Variants in EXOC6 observed in about 807,000 individuals in gnomAD.
EXOC6 encodes exocyst complex component 6.
A neutral mutation model predicts 112.5 loss-of-function variants in EXOC6; 60 were observed. The observed-to-expected ratio is 0.53, with a 90% CI of 0.43 to 0.66. EXOC6 has a LOEUF of 0.66. Ranked by LOEUF, EXOC6 falls within the 30% of genes least tolerant of loss-of-function variation. EXOC6 has a pLI of 0.00. For synonymous variants in EXOC6, 295 were observed against 308.0 expected (o/e 0.96, Z 0.44); for missense variants, 855 against 957.1 (o/e 0.89, Z 1.41).
chr10:92,943,710 A>ATT (rs71306831), intron 13 of EXOC6, among the ~76,000 whole-genome samples: 81 of 146,206 alleles, frequency 5.5e-4, no homozygotes, highest in Non-Finnish European at 9.2e-4. Flanking sequence ...TCACGTACTT[A>ATT]TTTTTTTTTT....
At chr10:92,948,490 G>C in intron 14 of EXOC6, 111 bp downstream of exon 14, 1 of 635,020 alleles carries the variant, frequency 1.6e-6, no homozygotes, top group Non-Finnish European at 2.6e-6. Flanking sequence ...GGTTTCTTGA[G>C]GGGCAACTTT....
intron 20 of EXOC6, among the ~76,000 whole-genome samples, chr10:93,048,398 A>G (rs950294891): frequency 5.3e-5 from 8 of 152,214 alleles, no homozygotes; most frequent in African/African-American, 1.7e-4. Flanking sequence ...AAAAAAATTG[A>G]TAAGAATTTA....
At chr10:92,961,200 C>T (rs1305905986) in intron 17 of EXOC6, among the ~76,000 whole-genome samples, 2 of 151,986 alleles carry the variant, frequency 1.3e-5, no homozygotes, top group African/African-American at 4.8e-5. Context: ...CAAAATTACG[C>T]CTTGACTGAT....
At chr10:92,904,087 G>A (rs1260683196) in intron 5 of EXOC6, among the ~76,000 whole-genome samples, 1 of 151,828 alleles carries the variant, frequency 6.6e-6, no homozygotes, top group African/African-American at 2.4e-5. Context: ...GGCTTATTTC[G>A]CTTGGCAATA....
chr10:92,955,754 T>G, intron 17 of EXOC6, 40 bp downstream of exon 17: 1 of 1,573,136 alleles, frequency 6.4e-7, no homozygotes, highest in Non-Finnish European at 8.6e-7. Context: ...TTTCAGTCAC[T>G]GTAAGCAGAC....
At chr10:92,844,018 G>A (rs1651636982), upstream of EXOC6, among the ~76,000 whole-genome samples, 1 of 148,978 alleles carries the variant, frequency 6.7e-6, no homozygotes, top group South Asian at 2.1e-4. Context: ...GGGCGTGGTG[G>A]CACGTGCCTG....
chr10:92,861,216 A>G (rs554141418), intron 1 of EXOC6, among the ~76,000 whole-genome samples: 9 of 151,924 alleles, frequency 5.9e-5, no homozygotes, highest in Non-Finnish European at 1.2e-4. Context: ...CTTACCTTCT[A>G]CCTCACCCCC....
chr10:92,890,908 G>A (rs1849467490), intron 1 of EXOC6, among the ~76,000 whole-genome samples: 1 of 152,194 alleles, frequency 6.6e-6, no homozygotes, highest in African/African-American at 2.4e-5. Context: ...TTTGCCTTAG[G>A]TTTTAATGGG....
chr10:93,022,476 C>T (rs953103950), intron 20 of EXOC6, among the ~76,000 whole-genome samples: 10 of 152,006 alleles, frequency 6.6e-5, no homozygotes, highest in African/African-American at 2.4e-4. Flanking sequence ...GCTTAAAATA[C>T]TTTTTTCTGA....
intron 5 of EXOC6, chr10:92,901,638 TCA>T (rs1369918430): frequency 1.4e-5 from 2 of 144,250 alleles, no homozygotes; most frequent in Non-Finnish European, 3.0e-5. Flanking sequence ...TTTTTTTGCC[TCA>T]GATCTGGAAG....
intron 1 of EXOC6, among the ~76,000 whole-genome samples, chr10:92,839,792 T>C (rs1304423030): frequency 6.8e-6 from 1 of 146,630 alleles, no homozygotes; most frequent in African/African-American, 2.6e-5. Context: ...GATAAAATCA[T>C]GGACACATTG....
chr10:92,887,390 A>ATTTTTT (rs11304638), intron 1 of EXOC6, among the ~76,000 whole-genome samples: 2 of 83,778 alleles, frequency 2.4e-5, no homozygotes, highest in African/African-American at 5.1e-5. Flanking sequence ...GATTAATTTA[A>ATTTTTT]TTTTTTTTTT....
At chr10:92,847,971 C>T (rs1213469764), upstream of EXOC6, among the ~76,000 whole-genome samples, 1 of 151,094 alleles carries the variant, frequency 6.6e-6, no homozygotes, top group Non-Finnish European at 1.5e-5. Context: ...GGACATGAAT[C>T]CACCTGGAGC....
intron 18 of EXOC6, among the ~76,000 whole-genome samples, chr10:92,992,362 A>G (rs1843303679): frequency 1.3e-5 from 2 of 151,756 alleles, no homozygotes; most frequent in Non-Finnish European, 2.9e-5. Context: ...AAGGGAATTC[A>G]TCTTGATATT....
intron 14 of EXOC6, among the ~76,000 whole-genome samples, chr10:92,948,766 C>G (rs1853212438): frequency 6.6e-6 from 1 of 151,878 alleles, no homozygotes; most frequent in Admixed American, 6.6e-5. Flanking sequence ...AGAGTATATC[C>G]TAGTGAAAGA....
At chr10:92,906,517 A>G (rs1394093019) in intron 5 of EXOC6, among the ~76,000 whole-genome samples, 1 of 152,194 alleles carries the variant, frequency 6.6e-6, no homozygotes, top group East Asian at 1.9e-4. Flanking sequence ...TAGTGATGAC[A>G]TGTACATTTT....
Position 93,014,234 on chromosome 10 carries a change from T to C in EXOC6, c.2136T>C (p.Asp712=), listed in dbSNP as rs1844396855. Residue 712 remains aspartate (D), a synonymous_variant, in exon 20 of 22, where the codon GAT becomes GAC. Coordinates refer to ENST00000260762, the MANE Select transcript of EXOC6 (RefSeq NM_019053.6). ...AGCCTGTGCCAGGATTCCAGGGGGA[T>C]ACCCTGCAGCTAGCATTCATTGACC... ...SSEPVPGFQG[D]TLQLAFIDLR... 1 of 1,613,696 alleles carries C rather than the reference T, an allele frequency of 6.2e-7. No homozygotes were observed. The highest frequency in any genetic ancestry group is 1.1e-5 in the South Asian group (1 of 91,068).
intron 4 of EXOC6, among the ~76,000 whole-genome samples, chr10:92,896,983 T>C (rs78120951): frequency 0.011 from 1,618 of 152,326 alleles, 32 homozygotes; most frequent in African/African-American, 0.037. Flanking sequence ...TGGCTTATTA[T>C]GTTAAGTTTC....
intron 13 of EXOC6, among the ~76,000 whole-genome samples, chr10:92,947,377 A>G (rs538689754): frequency 1.3e-5 from 2 of 152,326 alleles, no homozygotes; most frequent in African/African-American, 2.4e-5. Context: ...TCACAGCCCA[A>G]TGGCCAAAAC....
Sources: allele counts gnomAD v4.1 joint callset (sites outside exome capture counted in the v4.1 genomes callset), GRCh38; gene constraint gnomAD v4.1.1; transcripts MANE v1.5; gene names NCBI Gene and HGNC (gene_info 2026-07-23, HGNC 2026-07-21).